NAA15: variants seen among roughly 807,000 people sequenced by gnomAD.
NAA15 encodes N-terminal acetyltransferase.
A neutral mutation model predicts 114.0 loss-of-function variants in NAA15; 34 were observed. The observed-to-expected ratio is 0.30, with a 90% confidence interval of 0.23 to 0.40. The LOEUF (loss-of-function observed/expected upper bound fraction) is 0.40. Ranked by LOEUF, NAA15 falls within the 10% of genes least tolerant of loss-of-function variation. The pLI is 1.00. For synonymous variants in NAA15, 340 were observed against 338.0 expected (o/e 1.01, Z -0.06); for missense variants, 658 against 1,004.5 (o/e 0.66, Z 4.66).
At chr4:139,310,469 AC>A (rs1224700601) in intron 1 of NAA15, among the ~76,000 whole-genome samples, 22 of 151,288 alleles carry the variant, frequency 1.5e-4, no homozygotes, top group African/African-American at 2.2e-4. Flanking sequence ...AAAAAAAAAA[AC>A]ATTTTTGGAC....
chr4:139,354,923 C>G (rs1013334041), intron 10 of NAA15, among the ~76,000 whole-genome samples: 7 of 152,180 alleles, frequency 4.6e-5, no homozygotes, highest in Non-Finnish European at 1.5e-5. Flanking sequence ...GTCATCCAGG[C>G]TGGTGTACAG....
At chr4:139,338,931 C>T (rs1747287842) in intron 3 of NAA15, among the ~76,000 whole-genome samples, 1 of 152,162 alleles carries the variant, frequency 6.6e-6, no homozygotes, top group South Asian at 2.1e-4. Context: ...CTGTCTCAGC[C>T]TCCCGAGTAG....
At chr4:139,363,081 T>G (rs1748179389) in intron 14 of NAA15, among the ~76,000 whole-genome samples, 1 of 152,216 alleles carries the variant, frequency 6.6e-6, no homozygotes, top group Non-Finnish European at 1.5e-5. Context: ...CACTTGAATC[T>G]CTTTCTACCT....
intron 3 of NAA15, among the ~76,000 whole-genome samples, chr4:139,340,677 C>T (rs151210564): frequency 1.3e-5 from 2 of 152,216 alleles, no homozygotes; most frequent in African/African-American, 4.8e-5. Context: ...CTGATTTGTC[C>T]AAGGTTACAG....
At chr4:139,303,424 A>G (rs369994720) in intron 1 of NAA15, among the ~76,000 whole-genome samples, 9 of 152,298 alleles carry the variant, frequency 5.9e-5, no homozygotes, top group African/African-American at 1.7e-4. Flanking sequence ...CTTTACTTAT[A>G]TTTATTTGCC....
At chr4:139,327,865 A>G (rs561850268) in intron 1 of NAA15, among the ~76,000 whole-genome samples, 2 of 152,162 alleles carry the variant, frequency 1.3e-5, no homozygotes, top group Non-Finnish European at 2.9e-5. Context: ...GGGTTTTGCC[A>G]TGTTGGCCAG....
chr4:139,331,079 G>C (rs1746985126), intron 1 of NAA15, among the ~76,000 whole-genome samples: 1 of 151,958 alleles, frequency 6.6e-6, no homozygotes, highest in Non-Finnish European at 1.5e-5. Flanking sequence ...ATCTTTTAGA[G>C]CACTTTTTTT....
At chr4:139,368,153 A>G (rs1397822958) in intron 14 of NAA15, among the ~76,000 whole-genome samples, 1 of 152,224 alleles carries the variant, frequency 6.6e-6, no homozygotes, top group African/African-American at 2.4e-5. Flanking sequence ...TATTGCTGCA[A>G]AACAAATTAC....
At chr4:139,360,463 TA>T (rs750594231) in intron 12 of NAA15, 36 bp from the exon 13 acceptor site, 9 of 1,482,092 alleles carry the variant, frequency 6.1e-6, no homozygotes, top group Non-Finnish European at 8.1e-6. Flanking sequence ...ATGTCTATGA[TA>T]AAAAGTGATC....
intron 1 of NAA15, among the ~76,000 whole-genome samples, chr4:139,327,613 G>A (rs981434525): frequency 2.0e-5 from 3 of 152,116 alleles, no homozygotes; most frequent in Non-Finnish European, 4.4e-5. Context: ...ACGTTTCTGT[G>A]TGTACACCTA....
At chr4:139,316,859 A>G (rs1435129752) in intron 1 of NAA15, among the ~76,000 whole-genome samples, 1 of 144,884 alleles carries the variant, frequency 6.9e-6, no homozygotes, top group Non-Finnish European at 1.5e-5. Flanking sequence ...CCCCCGCCAT[A>G]GTTCTGTCTT....
chr4:139,327,108 T>C (rs1746827988), intron 1 of NAA15, among the ~76,000 whole-genome samples: 1 of 152,070 alleles, frequency 6.6e-6, no homozygotes, highest in African/African-American at 2.4e-5. Flanking sequence ...GCTAATTTTT[T>C]GATTTTTTTG....
intron 10 of NAA15, among the ~76,000 whole-genome samples, chr4:139,356,244 G>A (rs1747944084): frequency 6.6e-6 from 1 of 152,058 alleles, no homozygotes; most frequent in Non-Finnish European, 1.5e-5. Context: ...ACATACCATA[G>A]TAGTAGTTGA....
chr4:139,356,023 G>C (rs1747938485), intron 10 of NAA15, among the ~76,000 whole-genome samples: 1 of 152,072 alleles, frequency 6.6e-6, no homozygotes, highest in Non-Finnish European at 1.5e-5. Context: ...TTCTTTACCA[G>C]TTTTCAAAAT....
intron 9 of NAA15, among the ~76,000 whole-genome samples, chr4:139,353,424 C>T (rs1241620925): frequency 6.6e-6 from 1 of 152,074 alleles, no homozygotes; most frequent in Non-Finnish European, 1.5e-5. Context: ...ATAGAAATCC[C>T]TTAAACATGG....
At chr4:139,301,954 C>A in intron 1 of NAA15, 123 bp downstream of exon 1, 2 of 1,080,850 alleles carry the variant, frequency 1.9e-6, no homozygotes, top group South Asian at 1.6e-5. Flanking sequence ...TCATAGCTCT[C>A]GTCAGGCCGA....
chr4:139,301,868 T>G, intron 1 of NAA15, 37 bp downstream of exon 1: 1 of 1,565,254 alleles, frequency 6.4e-7, no homozygotes, highest in Non-Finnish European at 8.7e-7. Flanking sequence ...TGGGGAGGAT[T>G]TAGCCGGTAA....
chr4:139,347,182 A>T (rs1236331784), intron 6 of NAA15, among the ~76,000 whole-genome samples: 1 of 152,014 alleles, frequency 6.6e-6, no homozygotes, highest in Non-Finnish European at 1.5e-5. Context: ...GAGGGTGGAG[A>T]TCTCTTCTGT....
chr4:139,372,569 A>T (rs1748471529), intron 15 of NAA15, among the ~76,000 whole-genome samples: 1 of 152,178 alleles, frequency 6.6e-6, no homozygotes, highest in African/African-American at 2.4e-5. Flanking sequence ...TTCCTCCAAG[A>T]TGCCCCTGTC....
Sources: gnomAD v4.1 joint callset for allele counts (sites outside exome capture counted in the v4.1 genomes callset) on GRCh38, gnomAD v4.1.1 for gene constraint, MANE v1.5 for transcripts, NCBI Gene and HGNC (gene_info 2026-07-23, HGNC 2026-07-21) for gene names.